RFTN2: variants seen among roughly 807,000 people sequenced by gnomAD.
RFTN2 encodes raftlin-2.
RFTN2 carries 34 observed loss-of-function variants against 52.7 expected under a neutral mutation model. The observed-to-expected ratio is 0.64, with a 90% CI of 0.49 to 0.86. The LOEUF (loss-of-function observed/expected upper bound fraction) is 0.86, where lower values mean the gene tolerates loss of function less well. RFTN2 is among the 40% of genes least tolerant of loss of function. The pLI, the probability that RFTN2 is intolerant of heterozygous loss-of-function variation, is 0.00. For missense variants in RFTN2, 536 were observed against 600.1 expected (o/e 0.89, Z 1.12); for synonymous variants, 203 against 217.7 (o/e 0.93, Z 0.59).
intron 5 of RFTN2, among the ~76,000 whole-genome samples, chr2:197,626,614 CTTCT>C (rs1323921499): frequency 6.1e-5 from 6 of 97,646 alleles, no homozygotes; most frequent in African/African-American, 1.7e-4. Context: ...AAGGAATAAT[CTTCT>C]TTTTTTTTTT....
chr2:197,645,411 G>C (rs1029989651), intron 2 of RFTN2, among the ~76,000 whole-genome samples: 1 of 152,086 alleles, frequency 6.6e-6, no homozygotes, highest in African/African-American at 2.4e-5. Context: ...GCAGCCTAAG[G>C]ACACACTTCT....
intron 8 of RFTN2, among the ~76,000 whole-genome samples, chr2:197,572,832 A>C (rs974089486): frequency 3.9e-5 from 6 of 152,114 alleles, no homozygotes; most frequent in African/African-American, 1.4e-4. Flanking sequence ...GAGGTAGTCA[A>C]ATCATGGGGG....
At chr2:197,609,581 T>C (rs990850967) in intron 7 of RFTN2, among the ~76,000 whole-genome samples, 1 of 152,236 alleles carries the variant, frequency 6.6e-6, no homozygotes, top group African/African-American at 2.4e-5. Flanking sequence ...AATCTGTAAG[T>C]TGCCTGTTCA....
chr2:197,652,475 G>A (rs2088838765), intron 1 of RFTN2, among the ~76,000 whole-genome samples: 1 of 152,172 alleles, frequency 6.6e-6, no homozygotes, highest in Non-Finnish European at 1.5e-5. Context: ...TCTTAAGTGT[G>A]AGGAACTTTT....
Position 197,675,339 on chromosome 2 carries a change from C to A in RFTN2, c.120G>T (p.Leu40Phe). Reference sequence around the variant, plus strand: ...AAGTACCTTGTAGAGTAAAATCCAGCAATACATATTCGTAAGCAAATTCTG... The same window carrying A: ...AAGTACCTTGTAGAGTAAAATCCAGAAATACATATTCGTAAGCAAATTCTG... ...TKTEFAYEYV[L>F]LDFTLQASSN... Residue 40 changes from leucine (L) to phenylalanine (F), a missense_variant, in exon 1 of 9, where the codon TTG becomes TTT. Leu to Phe is a conservative substitution (Grantham distance 22). Coordinates refer to ENST00000295049, the MANE Select transcript of RFTN2 (RefSeq NM_144629.3). The A allele has an allele frequency of 6.2e-7, 1 of 1,600,312 alleles. No individual in the cohort carries two copies. The highest frequency in any genetic ancestry group is 2.3e-5 in the East Asian group (1 of 43,840).
chr2:197,629,437 G>A (rs907549088), intron 5 of RFTN2, among the ~76,000 whole-genome samples: 6 of 152,042 alleles, frequency 3.9e-5, no homozygotes, highest in African/African-American at 1.2e-4. Context: ...ACATACTGGG[G>A]CCTGTCATGG....
In RFTN2 at chr2:197,646,584, A is replaced by C. The variant is rs1446767173; in HGVS notation, c.222T>G (p.Tyr74Ter). ...TKVENYYLKG[Y>*]IVGAIHPVIQ... ...TAACAGGATGAATAGCCCCGACAAT[A>C]TATCCTTTAAGATAATAGTTTTCCA... is the stretch of plus-strand genomic sequence containing the variant. Residue 74 changes from tyrosine to a stop codon, truncating the protein, a stop_gained, in exon 2 of 9, where the codon TAT (tyrosine) becomes TAG (stop). Transcript: ENST00000295049. LOFTEE classifies it high-confidence loss of function. The C allele has an allele frequency of 6.2e-7, 1 of 1,612,018 alleles. No homozygotes were observed.
chr2:197,668,027 G>A (rs556360119), intron 1 of RFTN2, among the ~76,000 whole-genome samples: 5 of 152,244 alleles, frequency 3.3e-5, no homozygotes, highest in African/African-American at 4.8e-5. Context: ...ATAGTGATGG[G>A]ACAACCTTTG....
At chr2:197,665,902 C>T (rs775688795) in intron 1 of RFTN2, among the ~76,000 whole-genome samples, 2 of 151,880 alleles carry the variant, frequency 1.3e-5, no homozygotes, top group Non-Finnish European at 2.9e-5. Context: ...CTATTTGAGT[C>T]CTTTCTCTTC....
At chr2:197,577,793 A>C (rs2087443066) in intron 8 of RFTN2, among the ~76,000 whole-genome samples, 1 of 152,072 alleles carries the variant, frequency 6.6e-6, no homozygotes, top group Admixed American at 6.6e-5. Context: ...TACTATTTAC[A>C]ATTGCTTGAC....
chr2:197,607,474 G>GTAT, intron 7 of RFTN2, among the ~76,000 whole-genome samples: 1 of 94,774 alleles, frequency 1.1e-5, no homozygotes, highest in Admixed American at 1.1e-4. Context: ...AAAACTTGAA[G>GTAT]TATAATAATA....
At chr2:197,576,043 C>G (rs2087413603) in intron 8 of RFTN2, among the ~76,000 whole-genome samples, 1 of 151,434 alleles carries the variant, frequency 6.6e-6, no homozygotes, top group South Asian at 2.1e-4. Context: ...GAGTCTTGTT[C>G]TGTTGTCTAG....
intron 5 of RFTN2, among the ~76,000 whole-genome samples, chr2:197,622,690 C>A (rs2088288042): frequency 6.6e-6 from 1 of 152,210 alleles, no homozygotes; most frequent in Non-Finnish European, 1.5e-5. Context: ...GAGGAGAAGT[C>A]AATGCCTGGC....
At position 197,644,233 on chromosome 2, in the gene RFTN2, T is replaced by C. The variant is rs1310063045; in HGVS notation, c.363A>G (p.Pro121=). The C allele has an allele frequency of 1.9e-6, 3 of 1,612,934 alleles. No individual in the cohort carries two copies. The South Asian group carries it at 3.3e-5, about 18-fold the overall frequency. Residue 121 remains proline, a synonymous_variant, in exon 3 of 9, where the codon CCA becomes CCG. Transcript: ENST00000295049. ...GGGGACATTCCTCAATCACGAGCCT[T>C]GGGCGTCTTTGTCCACTGGGTGCTG... ...NSAAPSGQRR[P]RLVIEECPLT...
chr2:197,669,656 C>A (rs192307417), intron 1 of RFTN2, among the ~76,000 whole-genome samples: 89 of 152,266 alleles, frequency 5.8e-4, no homozygotes, highest in African/African-American at 2.0e-3. Flanking sequence ...ACAATACATG[C>A]TCCTATGAGA....
intron 7 of RFTN2, among the ~76,000 whole-genome samples, chr2:197,610,993 T>A (rs1247037004): frequency 6.6e-6 from 1 of 152,242 alleles, no homozygotes; most frequent in Admixed American, 6.5e-5. Flanking sequence ...AGCTTTTTGA[T>A]GTGCTGCTGG....
intron 8 of RFTN2, among the ~76,000 whole-genome samples, chr2:197,579,842 A>G (rs1162006646): frequency 5.9e-5 from 9 of 152,018 alleles, no homozygotes; most frequent in Admixed American, 4.6e-4. Flanking sequence ...CCCCAACCCT[A>G]TAATCCTTCT....
At chr2:197,601,122 A>G (rs1378311715) in intron 7 of RFTN2, among the ~76,000 whole-genome samples, 1 of 152,224 alleles carries the variant, frequency 6.6e-6, no homozygotes, top group Admixed American at 6.5e-5. Flanking sequence ...AACATTGTCA[A>G]TGAGATAGTA....
At chr2:197,624,514 C>T (rs560091753) in intron 5 of RFTN2, among the ~76,000 whole-genome samples, 2 of 141,800 alleles carry the variant, frequency 1.4e-5, no homozygotes, top group Admixed American at 7.7e-5. Context: ...AGGAGAATGG[C>T]GTGAACCCGG....
Sources: gnomAD v4.1 joint callset for allele counts (sites outside exome capture counted in the v4.1 genomes callset) on GRCh38, gnomAD v4.1.1 for gene constraint, MANE v1.5 for transcripts, NCBI Gene and HGNC (gene_info 2026-07-23, HGNC 2026-07-21) for gene names.